Variants in RTTN observed in about 807,000 individuals in gnomAD.
RTTN encodes rotatin.
In RTTN, 182 loss-of-function variants were observed where a neutral mutation model predicts 269.2. The ratio of observed to expected loss-of-function variants is 0.68; its 90% CI spans 0.60 to 0.76. The LOEUF is 0.76. Among genes scored for constraint, RTTN ranks in the 30% least tolerant of loss-of-function variants. The pLI, the probability that RTTN is intolerant of heterozygous loss-of-function variation, is 0.00. For synonymous variants in RTTN, 1,006 were observed against 963.5 expected (o/e 1.04, Z -0.82); for missense variants, 2,545 against 2,608.6 (o/e 0.98, Z 0.53).
chr18:70,096,075 T>C (rs1248185586), intron 28 of RTTN, among the ~76,000 whole-genome samples: 1 of 152,012 alleles, frequency 6.6e-6, no homozygotes, highest in Non-Finnish European at 1.5e-5. Context: ...TCCTTTCTTC[T>C]GATTCATCGA....
Position 70,092,716 on chromosome 18 carries a change from A to G in RTTN, c.3992T>C (p.Leu1331Pro). 1.2e-6 allele frequency: 2 copies of G among 1,613,716 alleles called. No individual in the cohort carries two copies. The highest frequency in any genetic ancestry group is 1.7e-6 in the Non-Finnish European group (2 of 1,179,676). Reference protein sequence around the residue: ...GVTKSTILCLLHLSHEMMAQA... With the variant: ...GVTKSTILCLPHLSHEMMAQA... The stretch of plus-strand genomic sequence containing the variant: ...GGCCATCATCTCATGGGATAAGTGA[A>G]GCAAGCAAAGAATTGTGCTCTTTGT... The change falls in exon 29 of 49, where the codon CTT becomes CCT. Residue 1331 changes from leucine to proline, a missense_variant. Transcript: ENST00000640769.
At chr18:70,049,334 AT>A (rs941564903) in intron 39 of RTTN, among the ~76,000 whole-genome samples, 11 of 152,156 alleles carry the variant, frequency 7.2e-5, no homozygotes, top group Non-Finnish European at 1.2e-4. Context: ...TGATAAACTA[AT>A]TTTCCCCCAA....
At chr18:70,094,707 T>C (rs1252185556) in intron 28 of RTTN, among the ~76,000 whole-genome samples, 1 of 152,200 alleles carries the variant, frequency 6.6e-6, no homozygotes, top group Non-Finnish European at 1.5e-5. Context: ...CTTCCAATTA[T>C]GTGGTCAATT....
intron 28 of RTTN, among the ~76,000 whole-genome samples, chr18:70,099,695 T>A (rs1398613553): frequency 7.2e-5 from 11 of 152,076 alleles, no homozygotes; most frequent in Non-Finnish European, 1.0e-4. Context: ...GTTTTCTTCT[T>A]GGGTTTTTAT....
chr18:70,177,827 T>C (rs1340009395), intron 10 of RTTN, among the ~76,000 whole-genome samples: 1 of 152,210 alleles, frequency 6.6e-6, no homozygotes, highest in Non-Finnish European at 1.5e-5. Flanking sequence ...CCTTGTGCAT[T>C]GCTGGTGGGA....
chr18:70,108,670 C>A (rs1271363293), intron 28 of RTTN, among the ~76,000 whole-genome samples: 1 of 151,956 alleles, frequency 6.6e-6, no homozygotes, highest in Middle Eastern at 3.2e-3. Context: ...TACATCACAA[C>A]CTAACTGAAA....
intron 34 of RTTN, among the ~76,000 whole-genome samples, chr18:70,069,717 T>C (rs936191509): frequency 6.6e-6 from 1 of 152,212 alleles, no homozygotes; most frequent in African/African-American, 2.4e-5. Flanking sequence ...CAAAATGATC[T>C]TGTAATAGTT....
rs917019579 is a variant in RTTN at position 70,081,743 on chromosome 18, C to T, written c.4374+4870G>A. ...AAGACAAGTATATGCAATGTGTATT[C>T]CTGAGCTGGATCTTGGATCCAGGAT... On this transcript the variant is annotated intron_variant, in intron 32 of 48. Coordinates refer to ENST00000640769, the MANE Select transcript of RTTN (RefSeq NM_173630.4). Among the ~76,000 whole-genome samples the T allele has an allele frequency of 4.6e-5, 7 of 152,130 alleles. No homozygotes were observed. In the East Asian group the frequency reaches 7.7e-4, roughly 17 times the overall value.
intron 40 of RTTN, among the ~76,000 whole-genome samples, chr18:70,044,132 C>G (rs1048773322): frequency 2.6e-5 from 4 of 152,170 alleles, no homozygotes; most frequent in Non-Finnish European, 5.9e-5. Flanking sequence ...CCAAAAGGTA[C>G]TTAATGTAAA....
chr18:70,162,671 A>G (rs2060864224), intron 14 of RTTN, among the ~76,000 whole-genome samples: 1 of 152,100 alleles, frequency 6.6e-6, no homozygotes, highest in Non-Finnish European at 1.5e-5. Flanking sequence ...GGTCCCTCCC[A>G]CGACACGTGG....
chr18:70,088,252 G>T, intron 30 of RTTN, 105 bp from the exon 31 acceptor site: 1 of 1,047,304 alleles, frequency 9.5e-7, no homozygotes, highest in Non-Finnish European at 1.3e-6. Flanking sequence ...AAAATCCATT[G>T]GTTTTATGAT....
In RTTN at chr18:70,196,657, A is replaced by C. The variant is rs150733272; in HGVS notation, c.694-9T>G. 1,601 of 1,605,808 alleles carry C rather than the reference A, an allele frequency of 1.0e-3. 12 individuals carry two copies. The African/African-American group carries it at 0.018, about 18-fold the overall frequency. On this transcript the variant is annotated splice_polypyrimidine_tract_variant and intron_variant, in intron 6 of 48. Coordinates refer to ENST00000640769, the MANE Select transcript of RTTN (RefSeq NM_173630.4). Reference sequence around the variant, plus strand: ...AACAGAGATAAAAGGCTCTGAAATCAAGAAGAGCCGTGAAAATTACTAAGG... The same window carrying C: ...AACAGAGATAAAAGGCTCTGAAATCCAGAAGAGCCGTGAAAATTACTAAGG...
At chr18:70,155,687 G>A (rs750033902) in intron 14 of RTTN, among the ~76,000 whole-genome samples, 7 of 152,230 alleles carry the variant, frequency 4.6e-5, no homozygotes, top group Non-Finnish European at 1.0e-4. Flanking sequence ...GCGCAGTAAT[G>A]GCTGCAATGG....
chr18:70,087,925 G>C, intron 31 of RTTN, 64 bp downstream of exon 31: 1 of 1,538,398 alleles, frequency 6.5e-7, no homozygotes, highest in Non-Finnish European at 8.9e-7. Flanking sequence ...CGGCAGTCAA[G>C]TATCGCTTAC....
intron 46 of RTTN, among the ~76,000 whole-genome samples, chr18:70,010,692 G>C (rs964621679): frequency 1.3e-5 from 2 of 152,032 alleles, no homozygotes; most frequent in Non-Finnish European, 2.9e-5. Flanking sequence ...AGAAGCAACA[G>C]CAAACAAATT....
intron 34 of RTTN, 54 bp from the exon 35 acceptor site, chr18:70,065,976 C>T: frequency 8.1e-7 from 1 of 1,235,850 alleles, no homozygotes; most frequent in Admixed American, 2.1e-5. Context: ...GAAAATGAAA[C>T]ACAGGCAACA....
intron 10 of RTTN, among the ~76,000 whole-genome samples, chr18:70,181,695 C>T (rs2061425673): frequency 6.6e-6 from 1 of 152,032 alleles, no homozygotes; most frequent in South Asian, 2.1e-4. Context: ...AATGACTCAA[C>T]AAAAATACTG....
chr18:70,122,727 T>C lies in RTTN; in HGVS notation c.3384-1027A>G, dbSNP rs532210894. Among the ~76,000 whole-genome samples the C allele has an allele frequency of 1.5e-3, 221 of 152,276 alleles. 2 individuals are homozygous for C. Among genetic ancestry groups the C allele is most frequent in the Non-Finnish European group, 2.4e-3 (161 of 67,994 alleles). On this transcript the variant is annotated intron_variant, in intron 25 of 48. Coordinates refer to ENST00000640769, the MANE Select transcript of RTTN (RefSeq NM_173630.4). ...TGTGGTGTTTGTCTCATTATTATTT[T>C]TCCTTACTTAAAATTCTCACATCCC...
At chr18:70,148,722 G>T (rs980187381) in intron 17 of RTTN, among the ~76,000 whole-genome samples, 179 bp downstream of exon 17, 1 of 152,200 alleles carries the variant, frequency 6.6e-6, no homozygotes, top group Non-Finnish European at 1.5e-5. Context: ...TGGATGAAAC[G>T]TCAGCAAGTA....
Sources: allele counts gnomAD v4.1 joint callset (sites outside exome capture counted in the v4.1 genomes callset), GRCh38; gene constraint gnomAD v4.1.1; transcripts MANE v1.5; gene names NCBI Gene and HGNC (gene_info 2026-07-23, HGNC 2026-07-21).